Variants in DNAH14 observed in about 807,000 individuals in gnomAD.
The protein encoded by DNAH14 is dynein axonemal heavy chain 14, also known as axonemal beta dynein heavy chain 14.
A neutral mutation model predicts 520.9 loss-of-function variants in DNAH14; 478 were observed. The observed-to-expected ratio is 0.92, with a 90% CI of 0.85 to 0.99. DNAH14 has a LOEUF of 0.99. Among genes scored for constraint, DNAH14 ranks in the 50% least tolerant of loss-of-function variants. The pLI is 0.00. For missense variants in DNAH14, 4,831 were observed against 5,234.5 expected, an observed-to-expected ratio of 0.92 and a Z score of 2.38; for synonymous variants, 1,581 against 1,757.2, an observed-to-expected ratio of 0.90 and a Z score of 2.51.
intron 69 of DNAH14, among the ~76,000 whole-genome samples, chr1:225,342,606 C>G (rs560448327): frequency 3.3e-4 from 50 of 151,696 alleles, no homozygotes; most frequent in African/African-American, 1.1e-3. Context: ...TCCATTGATT[C>G]TTTTTCTTAA....
At chr1:225,332,727 G>A (rs998184139) in intron 65 of DNAH14, among the ~76,000 whole-genome samples, 2 of 151,590 alleles carry the variant, frequency 1.3e-5, no homozygotes, top group Non-Finnish European at 2.9e-5. Context: ...GGGCATGGTG[G>A]CTCATGTCTG....
At position 225,328,689 on chromosome 1, in the gene DNAH14, A is replaced by G. The variant is rs533283265; in HGVS notation, c.9724-2748A>G. 3.3e-5 allele frequency among the ~76,000 whole-genome samples: 5 copies of G among 152,318 alleles called. No homozygotes were observed. In the East Asian group the frequency reaches 5.8e-4, roughly 18 times the overall value. ...TATCAAATCACATGAACATTCATCAAAAACATTACCTTTGGGGACTGCAAT... is the reference window on the plus strand; with the variant it reads ...TATCAAATCACATGAACATTCATCAGAAACATTACCTTTGGGGACTGCAAT... On this transcript the variant is annotated intron_variant, in intron 64 of 85. Transcript: ENST00000682510.
chr1:225,087,947 C>T (rs2073987664), intron 21 of DNAH14, among the ~76,000 whole-genome samples: 1 of 152,278 alleles, frequency 6.6e-6, no homozygotes, highest in East Asian at 1.9e-4. Context: ...CCTCCTAATT[C>T]ATAAGCACTC....
chr1:225,118,765 C>A (rs1165743415), intron 25 of DNAH14, among the ~76,000 whole-genome samples: 1 of 151,828 alleles, frequency 6.6e-6, no homozygotes. Flanking sequence ...CACCTGTAAT[C>A]CCAGCTACTT....
intron 21 of DNAH14, among the ~76,000 whole-genome samples, chr1:225,096,228 C>A (rs554028414): frequency 6.6e-6 from 1 of 152,098 alleles, no homozygotes; most frequent in Non-Finnish European, 1.5e-5. Flanking sequence ...GTGACCTGCA[C>A]GCCTCAGCCT....
chr1:225,238,619 A>C (rs2091765767), intron 42 of DNAH14, among the ~76,000 whole-genome samples: 1 of 152,182 alleles, frequency 6.6e-6, no homozygotes, highest in Non-Finnish European at 1.5e-5. Flanking sequence ...CCCTTAAAGA[A>C]GCAGTCTGGC....
intron 10 of DNAH14, among the ~76,000 whole-genome samples, chr1:225,019,974 C>A (rs192072704): frequency 8.6e-5 from 13 of 151,816 alleles, no homozygotes; most frequent in Admixed American, 8.5e-4. Context: ...AAAACAAATC[C>A]CAAAGCCAGC....
intron 2 of DNAH14, 82 bp downstream of exon 2, chr1:224,952,861 A>G (rs1188952556): frequency 3.2e-6 from 3 of 932,574 alleles, no homozygotes; most frequent in Non-Finnish European, 3.1e-6. Flanking sequence ...CCATTCTGAC[A>G]GTGAAAGACT....
chr1:225,085,695 T>C lies in DNAH14; in HGVS notation c.3479T>C (p.Ile1160Thr). ...CACACAGAGATTTACTCTATCTTCA[T>C]AATTCCATCTATAGATGACATATCA... ...LHHTEIYSIF[I>T]IPSIDDISAQ... The change falls in exon 21 of 86, where the codon ATA becomes ACA. Residue 1160 changes from isoleucine to threonine, a missense_variant. Physicochemically the swap from Ile to Thr is moderately conservative, Grantham distance 89. Coordinates refer to ENST00000682510, the MANE Select transcript of DNAH14 (RefSeq NM_001367479.1). 1 of 1,551,418 alleles carries C rather than the reference T, an allele frequency of 6.4e-7. No homozygotes were observed. The highest frequency in any genetic ancestry group is 8.7e-7 in the Non-Finnish European group (1 of 1,146,790).
intron 37 of DNAH14, among the ~76,000 whole-genome samples, chr1:225,191,323 A>G (rs2085406360): frequency 6.6e-6 from 1 of 151,960 alleles, no homozygotes. Context: ...TCACTTTCAT[A>G]AGATGGTTTT....
At chr1:225,166,074 G>T (rs1469468312) in intron 35 of DNAH14, among the ~76,000 whole-genome samples, 1 of 151,696 alleles carries the variant, frequency 6.6e-6, no homozygotes, top group South Asian at 2.1e-4. Flanking sequence ...GGCAAGTTTT[G>T]CTTTCTCTCC....
chr1:225,226,347 T>G (rs2090530025), intron 41 of DNAH14, among the ~76,000 whole-genome samples: 1 of 152,176 alleles, frequency 6.6e-6, no homozygotes, highest in Admixed American at 6.5e-5. Flanking sequence ...AGTTCTAACC[T>G]TTATTGTGTG....
intron 17 of DNAH14, 132 bp from the exon 18 acceptor site, chr1:225,079,075 C>G: frequency 1.2e-6 from 1 of 841,918 alleles, no homozygotes; most frequent in Non-Finnish European, 1.8e-6. Context: ...AGTGTGAGAA[C>G]AGACTAATAC....
chr1:225,256,866 A>C (rs975984373), intron 44 of DNAH14, among the ~76,000 whole-genome samples: 1 of 152,184 alleles, frequency 6.6e-6, no homozygotes, highest in Non-Finnish European at 1.5e-5. Flanking sequence ...GGGACTTTAC[A>C]AATCAAAGTA....
intron 60 of DNAH14, among the ~76,000 whole-genome samples, chr1:225,314,208 C>A (rs1449102898): frequency 6.6e-6 from 1 of 152,056 alleles, no homozygotes; most frequent in Non-Finnish European, 1.5e-5. Flanking sequence ...TTTTTTGTCT[C>A]TTTCGATCTT....
chr1:225,353,410 T>C (rs79392748), intron 72 of DNAH14, among the ~76,000 whole-genome samples: 215 of 152,210 alleles, frequency 1.4e-3, no homozygotes, highest in African/African-American at 5.0e-3. Flanking sequence ...GGATTATGAA[T>C]AGAAACCTCC....
At chr1:225,245,119 C>T (rs1180703343) in intron 43 of DNAH14, among the ~76,000 whole-genome samples, 1 of 152,024 alleles carries the variant, frequency 6.6e-6, no homozygotes, top group Non-Finnish European at 1.5e-5. Flanking sequence ...GTAGTCATTC[C>T]AGAGCAGGTT....
At chr1:225,035,715 G>A (rs1367636700) in intron 11 of DNAH14, among the ~76,000 whole-genome samples, 1 of 151,938 alleles carries the variant, frequency 6.6e-6, no homozygotes, top group East Asian at 1.9e-4. Flanking sequence ...ATATTATTTT[G>A]ATGTTATTGA....
intron 65 of DNAH14, 129 bp downstream of exon 65, chr1:225,331,706 G>A (rs2094801753): frequency 1.6e-6 from 2 of 1,253,960 alleles, no homozygotes; most frequent in Non-Finnish European, 2.2e-6. Flanking sequence ...GTTTCTTATT[G>A]GGATCAGTAG....
Sources: gnomAD v4.1 joint callset for allele counts (sites outside exome capture counted in the v4.1 genomes callset) on GRCh38, gnomAD v4.1.1 for gene constraint, MANE v1.5 for transcripts, NCBI Gene and HGNC (gene_info 2026-07-23, HGNC 2026-07-21) for gene names.